SLC17A4: variants seen among roughly 807,000 people sequenced by gnomAD.
The protein encoded by SLC17A4 is probable small intestine urate exporter.
A neutral mutation model predicts 52.5 loss-of-function variants in SLC17A4; 33 were observed. That is an observed-to-expected ratio of 0.63 (90% CI 0.48 to 0.84). The LOEUF is 0.84. Among genes scored for constraint, SLC17A4 ranks in the 40% least tolerant of loss-of-function variants. SLC17A4 has a pLI of 0.00. For missense variants in SLC17A4, 585 were observed against 597.1 expected (o/e 0.98, Z 0.21); for synonymous variants, 225 against 216.2 (o/e 1.04, Z -0.36).
At chr6:25,778,713 G>A (rs1763142374) in intron 11 of SLC17A4, among the ~76,000 whole-genome samples, 2 of 152,202 alleles carry the variant, frequency 1.3e-5, no homozygotes, top group African/African-American at 4.8e-5. Flanking sequence ...CAAATGCTAA[G>A]AGGAGAATAA....
intron 1 of SLC17A4, among the ~76,000 whole-genome samples, chr6:25,759,123 A>G (rs943232954): frequency 1.9e-4 from 29 of 152,108 alleles, no homozygotes; most frequent in African/African-American, 6.7e-4. Flanking sequence ...TTCCTTTTGG[A>G]GTTGATTTCC....
At chr6:25,771,699 C>A (rs1285262255) in intron 6 of SLC17A4, among the ~76,000 whole-genome samples, 1 of 152,034 alleles carries the variant, frequency 6.6e-6, no homozygotes, top group Non-Finnish European at 1.5e-5. Flanking sequence ...GCTTTTGCAC[C>A]AATCTAATAT....
In SLC17A4 at chr6:25,776,909, C is replaced by A; in HGVS notation, c.1218C>A (p.Ser406Arg). ...MTFLVLSSAI[S>R]SFCESGALVN... ...TCTTGGTGCTGTCTTCTGCCATCAG[C>A]AGCTTCTGTGAATCAGGAGCCCTTG... is the stretch of plus-strand genomic sequence containing the variant. Residue 406 changes from serine to arginine, a missense_variant, in exon 10 of 12, where the codon AGC (serine) becomes AGA (arginine). Transcript: ENST00000377905. 6.2e-7 allele frequency: 1 copy of A among 1,613,764 alleles called. No homozygotes were observed.
intron 1 of SLC17A4, among the ~76,000 whole-genome samples, chr6:25,759,334 T>G (rs1761323549): frequency 1.3e-5 from 2 of 152,226 alleles, no homozygotes; most frequent in Admixed American, 1.3e-4. Context: ...GGGTATAGTT[T>G]AAGTCCATTG....
In SLC17A4 at chr6:25,773,339, T is replaced by A; in HGVS notation, c.771T>A (p.His257Gln). The A allele has an allele frequency of 6.2e-7, 1 of 1,614,020 alleles. No individual in the cohort carries two copies. The highest frequency in any genetic ancestry group is 8.5e-7 in the Non-Finnish European group (1 of 1,179,914). Residue 257 changes from histidine (H) to glutamine (Q), a missense_variant, in exon 7 of 12, where the codon CAT becomes CAA. By Grantham distance (24) the His-to-Gln change is conservative. Transcript: ENST00000377905. Reference protein sequence around the residue: ...FPLIYDDPVNHPFISAGEKRY... With the variant: ...FPLIYDDPVNQPFISAGEKRY... ...TCATTTATGATGATCCTGTGAATCATCCCTTTATCAGTGCTGGTGAGAAGA... is the reference window on the plus strand; with the variant it reads ...TCATTTATGATGATCCTGTGAATCAACCCTTTATCAGTGCTGGTGAGAAGA...
rs781444868 is a variant in SLC17A4, at chr6:25,770,996, C to T, written c.690C>T (p.Tyr230=). The T allele has an allele frequency of 1.6e-5, 26 of 1,613,500 alleles. No homozygotes were observed. The highest frequency in any genetic ancestry group is 4.5e-5 in the East Asian group (2 of 44,872). The change falls in exon 6 of 12, where the codon TAC becomes TAT. Residue 230 remains tyrosine (Y), a synonymous_variant. Transcript: ENST00000377905. Reference sequence around the variant, plus strand: ...TCTGCCAGACCATAGGATGGCCTTACGTCTTCTATATCTTTGGTGAGTGTG... The same window carrying T: ...TCTGCCAGACCATAGGATGGCCTTATGTCTTCTATATCTTTGGTGAGTGTG... The part of the protein sequence containing the change: ...GLLCQTIGWP[Y]VFYIFGGIGC...
chr6:25,761,905 T>C lies in SLC17A4; in HGVS notation c.-36-22T>C, dbSNP rs1178731469. 2.8e-6 allele frequency: 4 copies of C among 1,406,100 alleles called. No homozygotes were observed. The African/African-American group carries it at 5.7e-5, about 20-fold the overall frequency. 87.1% of individuals were successfully genotyped at this position (1,406,100 alleles called of 1,614,324 possible). On this transcript the variant is annotated intron_variant, in intron 1 of 11. Transcript: ENST00000377905. ...CATATAAGATTCTCCCTGTATTTTC[T>C]TTTGTATTCTTTTTATTTCAGTAAG...
At position 25,770,778 on chromosome 6, in the gene SLC17A4, A is replaced by G. The variant is rs929928145; in HGVS notation, c.620-148A>G. ...ACACAAACAGACTAATAACTTCTCC[A>G]AGATCACATAGTTACCAAGTGAAGG... is the stretch of plus-strand genomic sequence containing the variant. On this transcript the variant is annotated intron_variant, in intron 5 of 11. Coordinates refer to ENST00000377905, the MANE Select transcript of SLC17A4 (RefSeq NM_005495.3). 3 of 688,498 alleles carry G rather than the reference A, an allele frequency of 4.4e-6. No individual in the cohort carries two copies. In the African/African-American group the frequency reaches 5.3e-5, roughly 12 times the overall value. 42.6% of individuals were successfully genotyped at this position (688,498 alleles called of 1,614,324 possible).
At chr6:25,765,553 CAATAACAATAATAATAAAAT>C in intron 2 of SLC17A4, among the ~76,000 whole-genome samples, 1 of 151,680 alleles carries the variant, frequency 6.6e-6, no homozygotes, top group Non-Finnish European at 1.5e-5. Flanking sequence ...TCAATAATGA[CAATAACAATAATAATAAAAT>C]CATAGAGTGT....
chr6:25,759,801 C>A (rs1761373573), intron 1 of SLC17A4, among the ~76,000 whole-genome samples: 2 of 152,146 alleles, frequency 1.3e-5, no homozygotes, highest in Non-Finnish European at 2.9e-5. Context: ...ACTATAGATA[C>A]TTGGTTGTTT....
chr6:25,772,139 T>C (rs990171269), intron 6 of SLC17A4, among the ~76,000 whole-genome samples: 1 of 152,168 alleles, frequency 6.6e-6, no homozygotes, highest in Non-Finnish European at 1.5e-5. Flanking sequence ...ATATCAACCT[T>C]TAAAGTTTTT....
In SLC17A4 at chr6:25,773,412, C is replaced by G; in HGVS notation, c.825+19C>G. 2 of 1,612,434 alleles carry G rather than the reference C, an allele frequency of 1.2e-6. No homozygotes were observed. The highest frequency in any genetic ancestry group is 2.2e-5 in the East Asian group (1 of 44,850). On this transcript the variant is annotated intron_variant, in intron 7 of 11. Coordinates refer to ENST00000377905, the MANE Select transcript of SLC17A4 (RefSeq NM_005495.3). Reference sequence around the variant, plus strand: ...TCAGCAGGTACATTGAGGAACTCCTCTGACATTTCTCTATGTCCCTCTAGA... The same window carrying G: ...TCAGCAGGTACATTGAGGAACTCCTGTGACATTTCTCTATGTCCCTCTAGA...
Position 25,770,257 on chromosome 6 carries a change from T to C in SLC17A4, c.488T>C (p.Val163Ala), listed in dbSNP as rs773434791. 5 of 1,613,934 alleles carry C rather than the reference T, an allele frequency of 3.1e-6. No individual in the cohort carries two copies. The highest frequency in any genetic ancestry group is 4.2e-6 in the Non-Finnish European group (5 of 1,180,000). ...ATTCCACTGGCAGCTAATGCGGGAG[T>C]GGCCTTGCTCATTGTCCTCCGGATT... is the stretch of plus-strand genomic sequence containing the variant. ...LFIPLAANAG[V>A]ALLIVLRIVQ... The change falls in exon 4 of 12, where the codon GTG (valine) becomes GCG (alanine). Residue 163 changes from valine to alanine, a missense_variant. By Grantham distance (64) the Val-to-Ala change is moderately conservative. Coordinates refer to ENST00000377905, the MANE Select transcript of SLC17A4 (RefSeq NM_005495.3).
At chr6:25,760,111 A>G (rs1453966887) in intron 1 of SLC17A4, among the ~76,000 whole-genome samples, 3 of 152,198 alleles carry the variant, frequency 2.0e-5, no homozygotes, top group Non-Finnish European at 4.4e-5. Flanking sequence ...CTTGGTGATC[A>G]TAGTTTTTTA....
chr6:25,760,536 A>G (rs937444635), intron 1 of SLC17A4, among the ~76,000 whole-genome samples: 42 of 152,068 alleles, frequency 2.8e-4, no homozygotes, highest in African/African-American at 1.0e-3. Context: ...AAAAATTCCT[A>G]TCCGTTATTT....
chr6:25,773,127 C>T, intron 6 of SLC17A4, 148 bp from the exon 7 acceptor site: 1 of 695,506 alleles, frequency 1.4e-6, no homozygotes, highest in South Asian at 1.8e-5. Context: ...GAAGTACCCT[C>T]CCCCATGATA....
At chr6:25,764,616 T>C (rs1761848853) in intron 2 of SLC17A4, among the ~76,000 whole-genome samples, 1 of 152,158 alleles carries the variant, frequency 6.6e-6, no homozygotes, top group Non-Finnish European at 1.5e-5. Flanking sequence ...GGTGCAGTGT[T>C]ATAGGAAGAA....
At chr6:25,762,144 A>ACTGTAAC in intron 2 of SLC17A4, 91 bp downstream of exon 2, 1 of 1,123,862 alleles carries the variant, frequency 8.9e-7, no homozygotes, top group Non-Finnish European at 1.3e-6. Context: ...GATCTGTGGC[A>ACTGTAAC]TCTTTTGTTG....
In SLC17A4 at chr6:25,780,643, G is replaced by T. The variant is rs1236851630; in HGVS notation, c.*1455G>T. 1 of 152,220 alleles carries T rather than the reference G, an allele frequency of 6.6e-6. No individual in the cohort carries two copies. The highest frequency in any genetic ancestry group is 1.5e-5 in the Non-Finnish European group (1 of 68,090). The allele number at this position is 152,220 out of a possible 1,614,324, so 9.4% of individuals were successfully genotyped here. Reference sequence around the variant, plus strand: ...GATGTAGGCCCAGTGAAGTGCGTTGGTCTTTATTTTGAAATCAGTAGGAAG... The same window carrying T: ...GATGTAGGCCCAGTGAAGTGCGTTGTTCTTTATTTTGAAATCAGTAGGAAG... On this transcript the variant is annotated 3_prime_UTR_variant, in exon 12 of 12. Transcript: ENST00000377905.
Sources: allele counts gnomAD v4.1 joint callset (sites outside exome capture counted in the v4.1 genomes callset), GRCh38; gene constraint gnomAD v4.1.1; transcripts MANE v1.5; gene names NCBI Gene and HGNC (gene_info 2026-07-23, HGNC 2026-07-21).